ZNF470: variants seen among roughly 807,000 people sequenced by gnomAD.
ZNF470 encodes chondrogenesis zinc finger protein 1.
ZNF470 carries 13 observed loss-of-function variants against 13.9 expected under a neutral mutation model. The observed-to-expected ratio is 0.94, with a 90% confidence interval of 0.61 to 1.49. ZNF470 has a LOEUF of 1.49. ZNF470 is among the 40% of genes most tolerant of loss of function. The pLI is 0.00. For synonymous variants in ZNF470, 293 were observed against 282.9 expected (o/e 1.04, Z -0.36); for missense variants, 929 against 857.3 (o/e 1.08, Z -1.04).
Position 56,578,622 on chromosome 19 carries a change from T to A in ZNF470, c.*39T>A. On this transcript the variant is annotated 3_prime_UTR_variant, in exon 6 of 6. Coordinates refer to ENST00000330619, the MANE Select transcript of ZNF470 (RefSeq NM_001001668.4). ...AATGCTTCTAGCATCCATCTGCTTTTTTCCAGCACATGTCCCATCATCATA... is the reference window on the plus strand; with the variant it reads ...AATGCTTCTAGCATCCATCTGCTTTATTCCAGCACATGTCCCATCATCATA... The A allele has an allele frequency of 6.9e-7, 1 of 1,453,718 alleles. No homozygotes were observed. Among genetic ancestry groups the A allele is most frequent in the Non-Finnish European group, 9.1e-7 (1 of 1,099,612 alleles). 90.1% of individuals were successfully genotyped at this position (1,453,718 alleles called of 1,614,324 possible).
chr19:56,581,656 A>G lies in ZNF470; in HGVS notation c.*3073A>G. ...GACCTGTATTGTAGTATAGGCCCAT[A>G]ATTGTGATATCAAAAATAAAAATCA... On this transcript the variant is annotated 3_prime_UTR_variant, in exon 6 of 6. Transcript: ENST00000330619. 1 of 960,530 alleles carries G rather than the reference A, an allele frequency of 1.0e-6. No homozygotes were observed. Among genetic ancestry groups the G allele is most frequent in the Non-Finnish European group, 1.2e-6 (1 of 807,262 alleles). The allele number at this position is 960,530 out of a possible 1,614,324, so 59.5% of individuals were successfully genotyped here.
chr19:56,573,760 A>G (rs1353052671), intron 3 of ZNF470, among the ~76,000 whole-genome samples: 5 of 152,240 alleles, frequency 3.3e-5, no homozygotes, highest in East Asian at 1.9e-4. Context: ...TGGGCAATAT[A>G]GTAAGACCCT....
At position 56,578,783 on chromosome 19, in the gene ZNF470, C is replaced by A. The variant is rs2044513655; in HGVS notation, c.*200C>A. The A allele has an allele frequency of 1.6e-6, 2 of 1,238,032 alleles. No individual in the cohort carries two copies. Among genetic ancestry groups the A allele is most frequent in the Admixed American group, 3.7e-5 (1 of 26,914 alleles). 76.7% of individuals were successfully genotyped at this position (1,238,032 alleles called of 1,614,324 possible). On this transcript the variant is annotated 3_prime_UTR_variant, in exon 6 of 6. Transcript: ENST00000330619. ...AAAAATACATAATTTATGTTATTTT[C>A]CCATTTAAAACACTTGATTTGAAAA...
chr19:56,582,715 C>A lies in ZNF470; in HGVS notation c.*4132C>A. On this transcript the variant is annotated 3_prime_UTR_variant, in exon 6 of 6. Coordinates refer to ENST00000330619, the MANE Select transcript of ZNF470 (RefSeq NM_001001668.4). ...CTAGTGTCCTTATAAGAGGAAGAGA[C>A]ACCAGAGGTTTGTCTCTCCACATGT... is the stretch of plus-strand genomic sequence containing the variant. The A allele has an allele frequency of 3.4e-6, 1 of 297,660 alleles. No individual in the cohort carries two copies. Among genetic ancestry groups the A allele is most frequent in the Non-Finnish European group, 5.0e-6 (1 of 201,418 alleles). 18.4% of individuals were successfully genotyped at this position (297,660 alleles called of 1,614,324 possible).
chr19:56,572,484 G>A (rs796082533), intron 3 of ZNF470, among the ~76,000 whole-genome samples: 23 of 137,864 alleles, frequency 1.7e-4, no homozygotes, highest in African/African-American at 5.7e-4. Flanking sequence ...GGAGGTTGCC[G>A]TGAGCCAAGA....
intron 3 of ZNF470, among the ~76,000 whole-genome samples, chr19:56,572,371 AATAT>A (rs1555772221): frequency 5.8e-5 from 1 of 17,238 alleles, no homozygotes; most frequent in Non-Finnish European, 8.5e-5. Flanking sequence ...AAAAAAAAAA[AATAT>A]ATATATATAT....
intron 5 of ZNF470, among the ~76,000 whole-genome samples, chr19:56,575,435 G>T (rs1044023602): frequency 6.7e-6 from 1 of 149,242 alleles, no homozygotes; most frequent in Non-Finnish European, 1.5e-5. Context: ...GATTTTTGAC[G>T]CAGGGTATTT....
At chr19:56,572,120 A>T (rs950956052) in intron 3 of ZNF470, among the ~76,000 whole-genome samples, 1 of 150,760 alleles carries the variant, frequency 6.6e-6, no homozygotes, top group African/African-American at 2.5e-5. Context: ...AAGATGGACT[A>T]TGCACACTCC....
At position 56,572,340 on chromosome 19, in the gene ZNF470, C is replaced by CAAA. The variant is rs564410370; in HGVS notation, c.60+1999_60+2001dup. Among the ~76,000 whole-genome samples the CAAA allele has an allele frequency of 2.1e-3, 34 of 16,404 alleles. 1 individual carries two copies. The highest frequency in any genetic ancestry group is 8.0e-3 in the East Asian group (5 of 626). The allele number at this position is 16,404 out of a possible 152,430, so 10.8% of individuals were successfully genotyped here. A position where few individuals can be genotyped will look rare whatever the true frequency, so the allele number is the denominator to read the frequency against. On this transcript the variant is annotated intron_variant, in intron 3 of 5. Transcript: ENST00000330619. Reference sequence around the variant, plus strand: ...CCAACATGGTGAAACCCTGTCTCTACAAAAAAAAAAAAAAAAAAAAAAAAA... The same window carrying CAAA: ...CCAACATGGTGAAACCCTGTCTCTACAAAAAAAAAAAAAAAAAAAAAAAAAAAA...
rs1482125023 is a variant in ZNF470, at chr19:56,570,367, C to G, written c.56C>G (p.Ser19Cys). 1.6e-5 allele frequency: 26 copies of G among 1,614,014 alleles called. No homozygotes were observed. The highest frequency in any genetic ancestry group is 2.0e-5 in the Non-Finnish European group (24 of 1,179,918). The change falls in exon 3 of 6, where the codon TCC becomes TGC. Residue 19 changes from serine to cysteine, a missense_variant. Physicochemically the swap from Ser to Cys is moderately radical, Grantham distance 112. Transcript: ENST00000330619. ...GGAATTAAACTTTGTAAAGCCATGTCCCTGGTGAGTTAGTATTCCCCCTCT... is the reference window on the plus strand; with the variant it reads ...GGAATTAAACTTTGTAAAGCCATGTGCCTGGTGAGTTAGTATTCCCCCTCT... ...VAGIKLCKAM[S>C]LGSVTFTDVA...
chr19:56,570,815 G>A (rs2147980107), intron 3 of ZNF470, among the ~76,000 whole-genome samples: 1 of 152,294 alleles, frequency 6.6e-6, no homozygotes, highest in South Asian at 2.1e-4. Flanking sequence ...GACTCACAGT[G>A]GAATACTTGG....
intron 1 of ZNF470, 73 bp downstream of exon 1, chr19:56,568,111 A>G (rs2044424803): frequency 2.0e-6 from 2 of 985,792 alleles, no homozygotes; most frequent in Non-Finnish European, 2.4e-6. Context: ...TTCGGGGTTC[A>G]GGTGCTGGAG....
chr19:56,575,587 G>A (rs2044483415), intron 5 of ZNF470, among the ~76,000 whole-genome samples: 1 of 151,780 alleles, frequency 6.6e-6, no homozygotes, highest in Non-Finnish European at 1.5e-5. Context: ...TTAATCTGTG[G>A]CCTGAAGCGT....
rs775839882 is a variant in ZNF470 at position 56,577,064 on chromosome 19, A to T, written c.635A>T (p.His212Leu). ...ACAGATAAGAAAAGCTTAAAAACAC[A>T]TTCAGTTGTGAAAAAACACAAGCAA... ...FHTDKKSLKT[H>L]SVVKKHKQDR... Residue 212 changes from histidine (H) to leucine (L), a missense_variant, in exon 6 of 6, where the codon CAT (histidine) becomes CTT (leucine). His to Leu is a moderately conservative substitution (Grantham distance 99). Coordinates refer to ENST00000330619, the MANE Select transcript of ZNF470 (RefSeq NM_001001668.4). 6.3e-7 allele frequency: 1 copy of T among 1,593,234 alleles called. No individual in the cohort carries two copies. The highest frequency in any genetic ancestry group is 8.5e-7 in the Non-Finnish European group (1 of 1,174,026).
intron 5 of ZNF470, among the ~76,000 whole-genome samples, chr19:56,575,754 T>A (rs529218369): frequency 6.6e-6 from 1 of 152,164 alleles, no homozygotes; most frequent in Non-Finnish European, 1.5e-5. Context: ...ACTACAGGAA[T>A]GCATCACCAC....
intron 3 of ZNF470, 105 bp downstream of exon 3, chr19:56,570,476 G>C (rs2044444210): frequency 8.9e-7 from 1 of 1,117,348 alleles, no homozygotes; most frequent in Non-Finnish European, 1.3e-6. Context: ...TCCACCCTGA[G>C]GCCTGTTTCC....
rs144650274 is a variant in ZNF470, at chr19:56,576,857, A to C, written c.428A>C (p.Asp143Ala). 1 of 1,595,858 alleles carries C rather than the reference A, an allele frequency of 6.3e-7. No individual in the cohort carries two copies. Among genetic ancestry groups the C allele is most frequent in the East Asian group, 2.2e-5 (1 of 44,758 alleles). Residue 143 changes from aspartate to alanine, a missense_variant, in exon 6 of 6, where the codon GAC (aspartate) becomes GCC (alanine). By Grantham distance (126) the Asp-to-Ala change is moderately radical. Transcript: ENST00000330619. ...TTAGGGAAAAACTGGAAATGTGAAG[A>C]CTTGTTTGAGAGGGAGCTTGTAAAC... ...STLGKNWKCE[D>A]LFERELVNQK...
At chr19:56,571,400 A>G (rs542413788) in intron 3 of ZNF470, among the ~76,000 whole-genome samples, 102 of 152,260 alleles carry the variant, frequency 6.7e-4, no homozygotes, top group African/African-American at 2.2e-3. Context: ...AAAGTTTCTC[A>G]AACTGACCCT....
rs984499334 is a variant in ZNF470 at position 56,567,538 on chromosome 19, C to G, written c.-659C>G. ...TTGCTGAGGAGAAGGGAGGTCTGGG[C>G]GGGGCAGCGGCCGAGGCTGGACTGG... On this transcript the variant is annotated 5_prime_UTR_variant, in exon 1 of 6. Transcript: ENST00000330619. 71 of 986,168 alleles carry G rather than the reference C, an allele frequency of 7.2e-5. No individual in the cohort carries two copies. The African/African-American group carries it at 1.2e-3, about 16-fold the overall frequency. The allele number at this position is 986,168 out of a possible 1,614,324, so 61.1% of individuals were successfully genotyped here. A position where few individuals can be genotyped will look rare whatever the true frequency, so the allele number is the denominator to read the frequency against.
Sources: allele counts gnomAD v4.1 joint callset (sites outside exome capture counted in the v4.1 genomes callset), GRCh38; gene constraint gnomAD v4.1.1; transcripts MANE v1.5; gene names NCBI Gene and HGNC (gene_info 2026-07-23, HGNC 2026-07-21).